KLHL29: variants seen among roughly 807,000 people sequenced by gnomAD.
KLHL29 encodes the protein kelch-like protein 29.
A neutral mutation model predicts 80.4 loss-of-function variants in KLHL29; 21 were observed. The ratio of observed to expected loss-of-function variants is 0.26; its 90% CI spans 0.19 to 0.38. The LOEUF is 0.38. KLHL29 is among the 10% of genes least tolerant of loss of function. The pLI is 1.00. For synonymous variants in KLHL29, 511 were observed against 526.8 expected (o/e 0.97, Z 0.41); for missense variants, 867 against 1,223.9 (o/e 0.71, Z 4.35).
chr2:23,658,337 G>A (rs369582318), intron 5 of KLHL29, among the ~76,000 whole-genome samples: 5 of 152,080 alleles, frequency 3.3e-5, no homozygotes, highest in African/African-American at 7.2e-5. Context: ...AGATGCCCCC[G>A]TCAGCACAGG....
chr2:23,648,544 C>T (rs1458416823), intron 5 of KLHL29, among the ~76,000 whole-genome samples: 4 of 152,122 alleles, frequency 2.6e-5, no homozygotes, highest in Non-Finnish European at 4.4e-5. Context: ...CCATAACAAC[C>T]GGAAGGAAGC....
chr2:23,678,375 G>A (rs1453261971), intron 5 of KLHL29, among the ~76,000 whole-genome samples: 2 of 152,188 alleles, frequency 1.3e-5, no homozygotes, highest in East Asian at 3.8e-4. Context: ...AACTGAATGG[G>A]AGCTATGGCC....
intron 3 of KLHL29, among the ~76,000 whole-genome samples, chr2:23,628,980 C>T (rs1249939057): frequency 6.6e-6 from 1 of 152,246 alleles, no homozygotes; most frequent in Non-Finnish European, 1.5e-5. Flanking sequence ...CCGTGCCCAC[C>T]TCCCCGCCCA....
At chr2:23,526,952 A>AG (rs1318105367) in intron 2 of KLHL29, among the ~76,000 whole-genome samples, 1 of 152,138 alleles carries the variant, frequency 6.6e-6, no homozygotes, top group Non-Finnish European at 1.5e-5. Context: ...GAGCCCCCGC[A>AG]GGGTTTCGTG....
At chr2:23,671,337 C>T (rs1166774427) in intron 5 of KLHL29, among the ~76,000 whole-genome samples, 1 of 152,026 alleles carries the variant, frequency 6.6e-6, no homozygotes, top group Non-Finnish European at 1.5e-5. Context: ...GTTCTCTCTG[C>T]GTCTCTTTCC....
At chr2:23,550,052 GC>G (rs1667082601) in intron 2 of KLHL29, among the ~76,000 whole-genome samples, 1 of 152,098 alleles carries the variant, frequency 6.6e-6, no homozygotes, top group South Asian at 2.1e-4. Flanking sequence ...TCCCTCCCCT[GC>G]CCCCCAGGGT....
At chr2:23,604,728 G>A (rs1182165028) in intron 3 of KLHL29, among the ~76,000 whole-genome samples, 1 of 152,194 alleles carries the variant, frequency 6.6e-6, no homozygotes, top group Non-Finnish European at 1.5e-5. Context: ...GGTGAAGACA[G>A]AAAGGAGGAC....
At chr2:23,487,755 A>G (rs554850131) in intron 2 of KLHL29, among the ~76,000 whole-genome samples, 13 of 152,342 alleles carry the variant, frequency 8.5e-5, no homozygotes, top group South Asian at 4.1e-4. Flanking sequence ...TTCAAGGCCC[A>G]TAGTCATGAA....
At chr2:23,640,702 C>T (rs908817062) in intron 4 of KLHL29, among the ~76,000 whole-genome samples, 18 of 152,374 alleles carry the variant, frequency 1.2e-4, no homozygotes, top group African/African-American at 3.4e-4. Context: ...ACATGTATTG[C>T]GTGCCCTGTT....
chr2:23,514,752 T>C (rs1170781600), intron 2 of KLHL29, among the ~76,000 whole-genome samples: 3 of 152,348 alleles, frequency 2.0e-5, no homozygotes, highest in South Asian at 4.1e-4. Flanking sequence ...TCAAAACCTC[T>C]GGACTCGAAG....
At chr2:23,531,248 C>T (rs529060277) in intron 2 of KLHL29, among the ~76,000 whole-genome samples, 1 of 152,348 alleles carries the variant, frequency 6.6e-6, no homozygotes, top group South Asian at 2.1e-4. Context: ...GTGCAGCCAC[C>T]CTGTGGGTTC....
intron 1 of KLHL29, among the ~76,000 whole-genome samples, chr2:23,451,174 G>A (rs921465541): frequency 6.6e-6 from 1 of 152,138 alleles, no homozygotes; most frequent in African/African-American, 2.4e-5. Flanking sequence ...AAACTGGTTT[G>A]TTTTTAGGTA....
chr2:23,496,528 A>G (rs1340264568), intron 2 of KLHL29, among the ~76,000 whole-genome samples: 2 of 152,030 alleles, frequency 1.3e-5, no homozygotes, highest in African/African-American at 2.4e-5. Flanking sequence ...TTTTCCCCCA[A>G]AAAGGGTACC....
chr2:23,410,285 G>T (rs1348566057), intron 1 of KLHL29, among the ~76,000 whole-genome samples: 1 of 151,862 alleles, frequency 6.6e-6, no homozygotes, highest in Non-Finnish European at 1.5e-5. Flanking sequence ...GTCCAGGAGA[G>T]AGTTGAGGGG....
At chr2:23,394,854 T>G (rs1666410373) in intron 1 of KLHL29, among the ~76,000 whole-genome samples, 1 of 152,240 alleles carries the variant, frequency 6.6e-6, no homozygotes, top group Admixed American at 6.5e-5. Context: ...CTTAGGTGTA[T>G]CTGACTCCTT....
chr2:23,619,162 C>G (rs1009363718), intron 3 of KLHL29, among the ~76,000 whole-genome samples: 1 of 152,318 alleles, frequency 6.6e-6, no homozygotes, highest in African/African-American at 2.4e-5. Flanking sequence ...ACTCCTTGCT[C>G]ACCCCCTGCT....
chr2:23,599,697 C>G (rs1668518297), intron 3 of KLHL29, among the ~76,000 whole-genome samples: 1 of 152,124 alleles, frequency 6.6e-6, no homozygotes, highest in Non-Finnish European at 1.5e-5. Flanking sequence ...GATATTGGCA[C>G]TCAATAGCAT....
intron 5 of KLHL29, among the ~76,000 whole-genome samples, chr2:23,661,033 GA>G (rs149310113): frequency 1.4e-5 from 2 of 146,052 alleles, no homozygotes; most frequent in East Asian, 2.0e-4. Context: ...CTCTGTTTCA[GA>G]AAAAAAAAGA....
chr2:23,386,111 GC>G lies in KLHL29; in HGVS notation c.-154+337del, dbSNP rs1401116101. On this transcript the variant is annotated intron_variant, in intron 1 of 13. Coordinates refer to ENST00000486442, the MANE Select transcript of KLHL29 (RefSeq NM_052920.2). ...GCTTGTGTGACCCCTGGCCGGAGCAGCCCCCCTGCTGGGCCCGGCGGCGCGC... is the reference window on the plus strand; with the variant it reads ...GCTTGTGTGACCCCTGGCCGGAGCAGCCCCCTGCTGGGCCCGGCGGCGCGC... 2.0e-5 allele frequency among the ~76,000 whole-genome samples: 3 copies of G among 152,206 alleles called. No homozygotes were observed. The East Asian group carries it at 5.8e-4, about 30-fold the overall frequency.
Sources: allele counts gnomAD v4.1 joint callset (sites outside exome capture counted in the v4.1 genomes callset), GRCh38; gene constraint gnomAD v4.1.1; transcripts MANE v1.5; gene names NCBI Gene and HGNC (gene_info 2026-07-23, HGNC 2026-07-21).